IBTK: variants seen among roughly 807,000 people sequenced by gnomAD.
The protein encoded by IBTK is BTK-binding protein.
IBTK carries 83 observed loss-of-function variants against 154.9 expected under a neutral mutation model. That is an observed-to-expected ratio of 0.54 (90% confidence interval 0.45 to 0.64). The LOEUF (loss-of-function observed/expected upper bound fraction) is 0.64. Among genes scored for constraint, IBTK ranks in the 30% least tolerant of loss-of-function variants. The pLI is 0.00. For synonymous variants in IBTK, 515 were observed against 536.1 expected (o/e 0.96, Z 0.54); for missense variants, 1,332 against 1,584.6 (o/e 0.84, Z 2.71).
At chr6:82,201,569 G>A in intron 18 of IBTK, 87 bp from the exon 19 acceptor site, 1 of 832,252 alleles carries the variant, frequency 1.2e-6, no homozygotes, top group Non-Finnish European at 1.9e-6. Context: ...ATTTCATATT[G>A]CTAGATAAGT....
At chr6:82,226,994 C>CT (rs1286362981) in intron 5 of IBTK, among the ~76,000 whole-genome samples, 198 bp downstream of exon 5, 1 of 152,052 alleles carries the variant, frequency 6.6e-6, no homozygotes, top group Admixed American at 6.6e-5. Context: ...CAAAGTATTA[C>CT]TTTTTTTAAT....
intron 25 of IBTK, among the ~76,000 whole-genome samples, chr6:82,185,771 G>A (rs921602781): frequency 6.6e-6 from 1 of 151,902 alleles, no homozygotes; most frequent in Non-Finnish European, 1.5e-5. Context: ...CAGAGTTCAG[G>A]TTAAAATACT....
At chr6:82,181,775 C>A in intron 26 of IBTK, 104 bp downstream of exon 26, 1 of 765,108 alleles carries the variant, frequency 1.3e-6, no homozygotes, top group Non-Finnish European at 2.0e-6. Flanking sequence ...AAAGAGTGTA[C>A]AAAAAATCTG....
At chr6:82,204,249 G>A (rs958328890) in intron 17 of IBTK, among the ~76,000 whole-genome samples, 12 of 152,104 alleles carry the variant, frequency 7.9e-5, no homozygotes, top group Admixed American at 6.6e-4. Context: ...GAACCCAAAG[G>A]TAGGGGAAAT....
At chr6:82,193,046 C>T (rs894535474) in intron 23 of IBTK, among the ~76,000 whole-genome samples, 4 of 148,750 alleles carry the variant, frequency 2.7e-5, no homozygotes, top group South Asian at 2.1e-4. Context: ...TGCGGTGAGC[C>T]GAGATCGTGC....
chr6:82,244,539 C>T (rs190692886), intron 1 of IBTK, among the ~76,000 whole-genome samples: 1 of 152,274 alleles, frequency 6.6e-6, no homozygotes, highest in East Asian at 1.9e-4. Context: ...CTGGGCTTCT[C>T]TGAAATAATC....
rs1385040248 is a variant in IBTK, at chr6:82,216,198, A to G, written c.1479T>C (p.Asp493=). The G allele has an allele frequency of 1.2e-6, 2 of 1,610,050 alleles. No individual in the cohort carries two copies. Among genetic ancestry groups the G allele is most frequent in the Non-Finnish European group, 1.7e-6 (2 of 1,178,012 alleles). ...GAATTCTTTCATACACACTATTTAT[A>G]TCAGAGACATAAGACACATCTGATG... ...NSSSDVSYVS[D]INSVYERIRL... is the part of the protein sequence containing the mutation. The change falls in exon 11 of 29, where the codon GAT becomes GAC. Residue 493 remains aspartate, a synonymous_variant. Coordinates refer to ENST00000306270, the MANE Select transcript of IBTK (RefSeq NM_015525.4).
rs1769243370 is a variant in IBTK, at chr6:82,202,434, C to T, written c.2729+94G>A. The T allele has an allele frequency of 1.1e-5, 8 of 732,510 alleles. No individual in the cohort carries two copies. The South Asian group carries it at 1.4e-4, about 12-fold the overall frequency. The allele number at this position is 732,510 out of a possible 1,614,324, so 45.4% of individuals were successfully genotyped here. On this transcript the variant is annotated intron_variant, in intron 18 of 28. Transcript: ENST00000306270. Reference sequence around the variant, plus strand: ...ATCAAATTCTTTCCATCCAGGTAAACATCATTATTCACATTTAAATCACTA... The same window carrying T: ...ATCAAATTCTTTCCATCCAGGTAAATATCATTATTCACATTTAAATCACTA...
Position 82,216,082 on chromosome 6 carries a change from T to C in IBTK, c.1595A>G (p.Lys532Arg). ...CNFAILQSDP[K>R]TSLYEIPAVS... Reference sequence around the variant, plus strand: ...TTAATATATACAAGTATACCTTGTTTTAGGATCTGACTGCAGGATTGCAAA... The same window carrying C: ...TTAATATATACAAGTATACCTTGTTCTAGGATCTGACTGCAGGATTGCAAA... Residue 532 changes from lysine (K) to arginine (R), a missense_variant, in exon 11 of 29, where the codon AAA becomes AGA. Coordinates refer to ENST00000306270, the MANE Select transcript of IBTK (RefSeq NM_015525.4). 1 of 1,604,504 alleles carries C rather than the reference T, an allele frequency of 6.2e-7. No homozygotes were observed. Among genetic ancestry groups the C allele is most frequent in the African/African-American group, 1.3e-5 (1 of 74,500 alleles).
Position 82,200,616 on chromosome 6 carries a change from TTTCAA to T in IBTK, c.2878_2882del (p.Leu960ArgfsTer22), listed in dbSNP as rs1769167121. On this transcript the variant is annotated frameshift_variant, in exon 20 of 29. Coordinates refer to ENST00000306270, the MANE Select transcript of IBTK (RefSeq NM_015525.4). LOFTEE classifies it high-confidence loss of function. ...GATTTTGTTCCATATTTATTTCTTC[TTTCAA>T]GAAGATATCTCCATCTTCTACTTCC... is the stretch of plus-strand genomic sequence containing the variant. 2 of 1,582,990 alleles carry T rather than the reference TTTCAA, an allele frequency of 1.3e-6. No homozygotes were observed. The highest frequency in any genetic ancestry group is 1.7e-6 in the Non-Finnish European group (2 of 1,168,848).
intron 4 of IBTK, 119 bp from the exon 5 acceptor site, chr6:82,227,421 ATAAGACTT>A: frequency 2.0e-6 from 1 of 488,754 alleles, no homozygotes. Flanking sequence ...AGGGGAATTT[ATAAGACTT>A]TAATTTCCAC....
At chr6:82,228,360 C>G (rs1280079048) in intron 4 of IBTK, among the ~76,000 whole-genome samples, 2 of 151,986 alleles carry the variant, frequency 1.3e-5, no homozygotes, top group African/African-American at 4.8e-5. Context: ...CACAATATAG[C>G]TATCAAATAA....
chr6:82,177,358 A>G lies in IBTK; in HGVS notation c.3726-3920T>C, dbSNP rs547376503. 4.0e-5 allele frequency among the ~76,000 whole-genome samples: 6 copies of G among 151,620 alleles called. No individual in the cohort carries two copies. The South Asian group carries it at 1.3e-3, about 32-fold the overall frequency. ...CCTAGTAGCTAAATTACAGACATGCACCACTATGCCTGGCTAGCTTATTTA... is the reference window on the plus strand; with the variant it reads ...CCTAGTAGCTAAATTACAGACATGCGCCACTATGCCTGGCTAGCTTATTTA... On this transcript the variant is annotated intron_variant, in intron 26 of 28. Transcript: ENST00000306270.
chr6:82,206,839 C>T (rs933178130), intron 16 of IBTK, among the ~76,000 whole-genome samples: 6 of 151,974 alleles, frequency 3.9e-5, no homozygotes, highest in South Asian at 2.1e-4. Flanking sequence ...AATAAACACA[C>T]GGCCATCTTA....
intron 23 of IBTK, among the ~76,000 whole-genome samples, chr6:82,193,849 T>C (rs1237709769): frequency 6.6e-6 from 1 of 151,908 alleles, no homozygotes; most frequent in African/African-American, 2.4e-5. Context: ...GCCTGGCTAA[T>C]TTTTTGTATT....
chr6:82,205,715 G>A (rs780468898), intron 16 of IBTK: 2 of 152,240 alleles, frequency 1.3e-5, no homozygotes, highest in African/African-American at 2.4e-5. Context: ...GCAATGAGAC[G>A]AGATCACGCC....
intron 25 of IBTK, 88 bp from the exon 26 acceptor site, chr6:82,182,116 C>T: frequency 7.6e-7 from 1 of 1,308,868 alleles, no homozygotes; most frequent in Non-Finnish European, 1.0e-6. Flanking sequence ...AGAACGTATA[C>T]CAAAAATTTT....
chr6:82,217,334 C>T (rs899947296), intron 10 of IBTK, among the ~76,000 whole-genome samples: 6 of 152,230 alleles, frequency 3.9e-5, no homozygotes, highest in African/African-American at 1.2e-4. Flanking sequence ...TCTTCTCTGA[C>T]ACTCAGTCAT....
At chr6:82,205,066 A>C in intron 16 of IBTK, 108 bp from the exon 17 acceptor site, 1 of 496,642 alleles carries the variant, frequency 2.0e-6, no homozygotes, top group Non-Finnish European at 3.5e-6. Flanking sequence ...AGTAAAAAAA[A>C]AATTTGAAGT....
Sources: gnomAD v4.1 joint callset for allele counts (sites outside exome capture counted in the v4.1 genomes callset) on GRCh38, gnomAD v4.1.1 for gene constraint, MANE v1.5 for transcripts, NCBI Gene and HGNC (gene_info 2026-07-23, HGNC 2026-07-21) for gene names.